Variants in UPP2 observed in about 807,000 individuals in gnomAD.
The protein encoded by UPP2 is UPase 2.
In UPP2, 23 loss-of-function variants were observed where a neutral mutation model predicts 26.7. The ratio of observed to expected loss-of-function variants is 0.86; its 90% CI spans 0.62 to 1.22. The LOEUF (loss-of-function observed/expected upper bound fraction) is 1.22. UPP2 is among the 50% of genes most tolerant of loss of function. The pLI, the probability that UPP2 is intolerant of heterozygous loss-of-function variation, is 0.00. For synonymous variants in UPP2, 127 were observed against 141.3 expected, an observed-to-expected ratio of 0.90 and a Z score of 0.72; for missense variants, 387 against 396.7, an observed-to-expected ratio of 0.98 and a Z score of 0.21.
At chr2:158,077,279 T>C (rs1228890164) in intron 3 of UPP2, among the ~76,000 whole-genome samples, 1 of 151,912 alleles carries the variant, frequency 6.6e-6, no homozygotes, top group Non-Finnish European at 1.5e-5. Context: ...TTCACATAAA[T>C]AGAAAAAAAC....
chr2:158,069,861 A>G (rs757825673), intron 3 of UPP2, among the ~76,000 whole-genome samples: 1 of 152,218 alleles, frequency 6.6e-6, no homozygotes, highest in Non-Finnish European at 1.5e-5. Context: ...GAGAGCCAGC[A>G]TGGTCAGTTC....
chr2:158,063,730 A>G (rs1682390184), intron 3 of UPP2, among the ~76,000 whole-genome samples: 2 of 151,936 alleles, frequency 1.3e-5, no homozygotes, highest in African/African-American at 2.4e-5. Flanking sequence ...TATTTCTCCT[A>G]ATGTTATCCC....
At chr2:157,999,579 A>G (rs1157268502) in intron 2 of UPP2, among the ~76,000 whole-genome samples, 1 of 152,004 alleles carries the variant, frequency 6.6e-6, no homozygotes, top group East Asian at 1.9e-4. Context: ...AACCTGTTTT[A>G]ATAACCATGA....
At chr2:158,082,343 T>C (rs899847102) in intron 3 of UPP2, among the ~76,000 whole-genome samples, 3 of 151,558 alleles carry the variant, frequency 2.0e-5, no homozygotes, top group Middle Eastern at 3.4e-3. Context: ...TGTAGCCTTT[T>C]ATCGCTTACC....
intron 5 of UPP2, 81 bp from the exon 6 acceptor site, chr2:158,123,668 C>T: frequency 2.6e-6 from 4 of 1,535,388 alleles, no homozygotes; most frequent in Non-Finnish European, 3.5e-6. Context: ...CAGCGTGCTC[C>T]AGCCAACAGC....
intron 3 of UPP2, among the ~76,000 whole-genome samples, chr2:158,072,588 C>A (rs1468127219): frequency 3.9e-5 from 6 of 152,096 alleles, no homozygotes; most frequent in Non-Finnish European, 2.9e-5. Flanking sequence ...GGCCACAGGG[C>A]TCCTGGCATC....
At chr2:157,996,926 C>A (rs951544096) in intron 2 of UPP2, among the ~76,000 whole-genome samples, 3 of 152,186 alleles carry the variant, frequency 2.0e-5, no homozygotes. Flanking sequence ...AATCATAATT[C>A]TTTTCACTGA....
intron 2 of UPP2, among the ~76,000 whole-genome samples, chr2:157,996,344 C>CT (rs1336051184): frequency 1.3e-5 from 2 of 151,970 alleles, no homozygotes; most frequent in African/African-American, 4.8e-5. Context: ...TTATTGAGCT[C>CT]TTTTTTCTTG....
chr2:158,126,945 A>G (rs1353691152), intron 6 of UPP2, among the ~76,000 whole-genome samples: 1 of 152,202 alleles, frequency 6.6e-6, no homozygotes, highest in Non-Finnish European at 1.5e-5. Context: ...ATGACTGGAT[A>G]ACCAATCAGA....
chr2:158,084,396 T>C (rs1026911220), intron 3 of UPP2, among the ~76,000 whole-genome samples: 4 of 152,154 alleles, frequency 2.6e-5, no homozygotes, highest in African/African-American at 9.7e-5. Flanking sequence ...TTCAGGAAAT[T>C]AGTCCTTTGT....
In UPP2 at chr2:158,082,725, A is replaced by G. The variant is rs188156569; in HGVS notation, c.148-19315A>G. On this transcript the variant is annotated intron_variant, in intron 3 of 9. Transcript: ENST00000605860. ...TTGACAAAGGGGATTTAATTAAACT[A>G]AAGAGCTTCTATACAGCAAAAGAAA... 3.7e-3 allele frequency among the ~76,000 whole-genome samples: 561 copies of G among 152,324 alleles called. 5 individuals are homozygous for G. The highest frequency in any genetic ancestry group is 0.013 in the African/African-American group (542 of 41,576).
chr2:158,092,774 T>C (rs1025955186), intron 3 of UPP2, among the ~76,000 whole-genome samples: 1 of 152,238 alleles, frequency 6.6e-6, no homozygotes, highest in Non-Finnish European at 1.5e-5. Context: ...AGTTAAATTG[T>C]TCCAAGTTGC....
chr2:158,116,001 C>G (rs962337191), intron 3 of UPP2, among the ~76,000 whole-genome samples: 3 of 152,178 alleles, frequency 2.0e-5, no homozygotes, highest in African/African-American at 7.2e-5. Context: ...GGAAGAGTCT[C>G]CTGCACAGGG....
intron 3 of UPP2, among the ~76,000 whole-genome samples, chr2:158,026,079 T>C (rs1246802010): frequency 6.6e-6 from 1 of 152,054 alleles, no homozygotes; most frequent in African/African-American, 2.4e-5. Context: ...TCATTGTATC[T>C]CCCGTCGTGC....
intron 2 of UPP2, among the ~76,000 whole-genome samples, chr2:158,013,012 AT>A (rs555978645): frequency 0.034 from 5,062 of 148,426 alleles, 232 homozygotes; most frequent in African/African-American, 0.11. Context: ...TGTTATTATT[AT>A]TTTTTTTTTT....
At position 158,134,914 on chromosome 2, in the gene UPP2, C is replaced by T; in HGVS notation, c.*24C>T. ...AGACGTCCTAACTGGGCAGCCCAAC[C>T]CTCCCCTGCAAGTTTGTAGCTCAAG... On this transcript the variant is annotated 3_prime_UTR_variant, in exon 7 of 7. Coordinates refer to ENST00000005756, the MANE Select transcript of UPP2 (RefSeq NM_173355.4). 6.3e-7 allele frequency: 1 copy of T among 1,591,716 alleles called. No individual in the cohort carries two copies. The highest frequency in any genetic ancestry group is 8.6e-7 in the Non-Finnish European group (1 of 1,169,360).
Position 158,091,518 on chromosome 2 carries a change from C to T in UPP2, c.148-10522C>T, listed in dbSNP as rs187659773. Among the ~76,000 whole-genome samples, 1,001 of 152,160 alleles carry T rather than the reference C, an allele frequency of 6.6e-3. 2 individuals carry two copies. The highest frequency in any genetic ancestry group is 0.01 in the Non-Finnish European group (702 of 67,982). On this transcript the variant is annotated intron_variant, in intron 3 of 9. Coordinates refer to the UPP2 transcript ENST00000605860. ...CCTACAAATGAAAAAGTTTAGTAAA[C>T]GAAAAATCTCAATGCATGGTATATT...
intron 3 of UPP2, among the ~76,000 whole-genome samples, chr2:158,053,270 A>G (rs1682188710): frequency 6.6e-6 from 1 of 152,226 alleles, no homozygotes; most frequent in African/African-American, 2.4e-5. Flanking sequence ...TGGGTTTTAC[A>G]TACTTTCATA....
chr2:158,000,971 A>G (rs1284494964), intron 2 of UPP2, among the ~76,000 whole-genome samples: 1 of 152,240 alleles, frequency 6.6e-6, no homozygotes, highest in African/African-American at 2.4e-5. Flanking sequence ...GTTATTATTA[A>G]ATCTGAGCAT....
Sources: gnomAD v4.1 joint callset for allele counts (sites outside exome capture counted in the v4.1 genomes callset) on GRCh38, gnomAD v4.1.1 for gene constraint, MANE v1.5 for transcripts, NCBI Gene and HGNC (gene_info 2026-07-23, HGNC 2026-07-21) for gene names.